TTF1: variants seen among roughly 807,000 people sequenced by gnomAD.
The protein encoded by TTF1 is transcription termination factor 1.
Under a neutral mutation model 80.2 loss-of-function variants are expected in TTF1, and 64 were observed. The observed-to-expected ratio is 0.80, with a 90% CI of 0.65 to 0.98. TTF1 has a LOEUF of 0.98. Ranked by LOEUF, TTF1 falls within the 50% of genes least tolerant of loss-of-function variation. TTF1 has a pLI of 0.00. For missense variants in TTF1, 1,023 were observed against 1,086.2 expected, an observed-to-expected ratio of 0.94 and a Z score of 0.82; for synonymous variants, 372 against 382.7, an observed-to-expected ratio of 0.97 and a Z score of 0.33.
chr9:132,389,354 T>C (rs1849522565), intron 7 of TTF1, among the ~76,000 whole-genome samples: 1 of 151,896 alleles, frequency 6.6e-6, no homozygotes, highest in South Asian at 2.1e-4. Context: ...GCTAATTTTT[T>C]GTATTTTTAG....
In TTF1 at chr9:132,384,099, G is replaced by A. The variant is rs1002587143; in HGVS notation, c.2378+2457C>T. ...CCAAAACAGATAACAGTAATTGGAG[G>A]GAGTGAATGTAGATGTTTAATAAGG... On this transcript the variant is annotated intron_variant, in intron 9 of 10. Coordinates refer to ENST00000334270, the MANE Select transcript of TTF1 (RefSeq NM_007344.4). The surrounding 1 kb of genome is among the most constrained non-coding windows in gnomAD (Gnocchi z 4.1). Among the ~76,000 whole-genome samples the A allele has an allele frequency of 7.9e-5, 12 of 152,098 alleles. No homozygotes were observed. The highest frequency in any genetic ancestry group is 9.7e-5 in the African/African-American group (4 of 41,402).
chr9:132,386,092 A>G (rs1328122107), intron 9 of TTF1, among the ~76,000 whole-genome samples: 3 of 152,170 alleles, frequency 2.0e-5, no homozygotes, highest in Non-Finnish European at 4.4e-5. Context: ...TACCTATAAT[A>G]TCACCTCCAA....
chr9:132,375,775 T>C lies in TTF1; in HGVS notation c.*140A>G, dbSNP rs558474902. On this transcript the variant is annotated 3_prime_UTR_variant, in exon 11 of 11. Coordinates refer to ENST00000334270, the MANE Select transcript of TTF1 (RefSeq NM_007344.4). ...TTGGCTCACTGCAACCTCCACCTCC[T>C]GGGTTCAAGCAATTCTCCTGCCTCA... 756 of 598,934 alleles carry C rather than the reference T, an allele frequency of 1.3e-3. 4 individuals are homozygous for C. Among genetic ancestry groups the C allele is most frequent in the Non-Finnish European group, 2.0e-3 (672 of 340,360 alleles). The allele number at this position is 598,934 out of a possible 1,614,324, so 37.1% of individuals were successfully genotyped here.
At chr9:132,393,276 C>CA (rs972439936) in intron 5 of TTF1, among the ~76,000 whole-genome samples, 25 of 151,950 alleles carry the variant, frequency 1.6e-4, no homozygotes, top group African/African-American at 3.4e-4. Context: ...CAAGCCCCCC[C>CA]CGCAAACTGG....
At position 132,375,603 on chromosome 9, in the gene TTF1, G is replaced by A. The variant is rs971163873; in HGVS notation, c.*312C>T. On this transcript the variant is annotated 3_prime_UTR_variant, in exon 11 of 11. Coordinates refer to ENST00000334270, the MANE Select transcript of TTF1 (RefSeq NM_007344.4). ...TGGCAATATATTTTAATGCTCCAGA[G>A]GAAAGAGTAGAACTCTGGCCATTGT... 9.6e-5 allele frequency: 19 copies of A among 198,636 alleles called. No homozygotes were observed. Among genetic ancestry groups the A allele is most frequent in the African/African-American group, 3.7e-4 (16 of 43,224 alleles). The allele number at this position is 198,636 out of a possible 1,614,324, so 12.3% of individuals were successfully genotyped here. A position where few individuals can be genotyped will look rare whatever the true frequency, so the allele number is the denominator to read the frequency against.
At position 132,406,835 on chromosome 9, in the gene TTF1, GT is replaced by G. The variant is rs1452286272; in HGVS notation, c.-54del. ...TTTCTCCCAACCCGGAAGTGCTGCT[GT>G]TGAGGAAGCGGAAGTAGTAGTGCGT... On this transcript the variant is annotated 5_prime_UTR_variant, in exon 1 of 11. Coordinates refer to ENST00000334270, the MANE Select transcript of TTF1 (RefSeq NM_007344.4). 1.3e-5 allele frequency: 2 copies of G among 152,210 alleles called. No homozygotes were observed. Among genetic ancestry groups the G allele is most frequent in the Admixed American group, 6.5e-5 (1 of 15,284 alleles). The allele number at this position is 152,210 out of a possible 1,614,324, so 9.4% of individuals were successfully genotyped here. A position where few individuals can be genotyped will look rare whatever the true frequency, so the allele number is the denominator to read the frequency against.
chr9:132,382,971 A>C (rs1048690214), intron 9 of TTF1, among the ~76,000 whole-genome samples: 1 of 152,000 alleles, frequency 6.6e-6, no homozygotes, highest in African/African-American at 2.4e-5. Context: ...AGGCTGAGAC[A>C]GGAGAACTGC....
chr9:132,388,362 G>T, intron 7 of TTF1, 134 bp from the exon 8 acceptor site: 1 of 531,578 alleles, frequency 1.9e-6, no homozygotes, highest in Non-Finnish European at 3.2e-6. Context: ...TTTGAGACGG[G>T]GTCTCACTTT....
chr9:132,398,740 G>T (rs1849703547), intron 3 of TTF1, among the ~76,000 whole-genome samples: 1 of 152,100 alleles, frequency 6.6e-6, no homozygotes, highest in Non-Finnish European at 1.5e-5. Flanking sequence ...GACTACAGGT[G>T]TGTGTGACAC....
Position 132,375,655 on chromosome 9 carries a change from A to G in TTF1, c.*260T>C. On this transcript the variant is annotated 3_prime_UTR_variant, in exon 11 of 11. Transcript: ENST00000334270. The stretch of plus-strand genomic sequence containing the variant: ...CATTCTTTATTAAACATCAATACTG[A>G]AAACAGATTTACTGACATATGTATA... The G allele has an allele frequency of 3.1e-6, 1 of 326,860 alleles. No individual in the cohort carries two copies. The allele number at this position is 326,860 out of a possible 1,614,324, so 20.2% of individuals were successfully genotyped here.
At chr9:132,377,850 AATGCATGTGGTGTGAGTGC>A (rs1849252201) in intron 10 of TTF1, among the ~76,000 whole-genome samples, 13 of 101,560 alleles carry the variant, frequency 1.3e-4, no homozygotes, top group African/African-American at 3.3e-4. Flanking sequence ...GGTGTGTGTG[AATGCATGTGGTGTGAGTGC>A]ATGCATGTGG....
At chr9:132,403,013 G>A (rs1359663650) in intron 1 of TTF1, among the ~76,000 whole-genome samples, 185 bp from the exon 2 acceptor site, 2 of 152,088 alleles carry the variant, frequency 1.3e-5, no homozygotes, top group East Asian at 1.9e-4. Flanking sequence ...CCACCAGCAC[G>A]CCCAGCTAAT....
At chr9:132,383,549 C>T (rs1589817374) in intron 9 of TTF1, among the ~76,000 whole-genome samples, 1 of 152,006 alleles carries the variant, frequency 6.6e-6, no homozygotes, top group African/African-American at 2.4e-5. Flanking sequence ...TCAGAAGAGG[C>T]GACTATGGGT....
chr9:132,404,978 C>T (rs1238491571), intron 1 of TTF1, among the ~76,000 whole-genome samples: 4 of 151,802 alleles, frequency 2.6e-5, no homozygotes, highest in Non-Finnish European at 5.9e-5. Context: ...CTCTGCCTCC[C>T]GGGTTCACGC....
At chr9:132,377,207 CATGCATGTGGTGTGA>C (rs1849198287) in intron 10 of TTF1, among the ~76,000 whole-genome samples, 1 of 125,806 alleles carries the variant, frequency 7.9e-6, no homozygotes, top group Non-Finnish European at 1.6e-5. Flanking sequence ...GGTGTGAGTG[CATGCATGTGGTGTGA>C]GTGCATGTGG....
chr9:132,391,753 G>A (rs781021464), intron 6 of TTF1, among the ~76,000 whole-genome samples: 3 of 152,312 alleles, frequency 2.0e-5, no homozygotes, highest in African/African-American at 4.8e-5. Flanking sequence ...CCCTCCCAAC[G>A]TGTCCCGTGC....
chr9:132,378,104 G>GCA (rs1849269343), intron 10 of TTF1, among the ~76,000 whole-genome samples: 1 of 112,314 alleles, frequency 8.9e-6, no homozygotes, highest in Non-Finnish European at 1.9e-5. Flanking sequence ...GTGAGTGCAT[G>GCA]TGGTGTGTGT....
rs1242293409 is a variant in TTF1 at position 132,384,576 on chromosome 9, A to C, written c.2378+1980T>G. Among the ~76,000 whole-genome samples the C allele has an allele frequency of 6.6e-6, 1 of 152,198 alleles. No individual in the cohort carries two copies. The highest frequency in any genetic ancestry group is 1.5e-5 in the Non-Finnish European group (1 of 68,030). ...TGCATAAACCATCTACGGAAAATAGATACTGGTTTCCTGTAGGGCTACGCG... is the reference window on the plus strand; with the variant it reads ...TGCATAAACCATCTACGGAAAATAGCTACTGGTTTCCTGTAGGGCTACGCG... On this transcript the variant is annotated intron_variant, in intron 9 of 10. Transcript: ENST00000334270. The surrounding 1 kb of genome is among the most constrained non-coding windows in gnomAD (Gnocchi z 4.1).
intron 5 of TTF1, among the ~76,000 whole-genome samples, chr9:132,395,013 GAAACCC>G (rs1368507910): frequency 6.6e-6 from 1 of 151,896 alleles, no homozygotes; most frequent in African/African-American, 2.4e-5. Context: ...CCAATATGGT[GAAACCC>G]CGTCTCTACG....
Sources: allele counts gnomAD v4.1 joint callset (sites outside exome capture counted in the v4.1 genomes callset), GRCh38; gene constraint gnomAD v4.1.1; non-coding constraint Gnocchi (gnomAD v3.1); transcripts MANE v1.5; gene names NCBI Gene and HGNC (gene_info 2026-07-23, HGNC 2026-07-21).